Variants in ASTN2 observed in about 807,000 individuals in gnomAD.
ASTN2 encodes the protein astrotactin-2.
In ASTN2, 54 loss-of-function variants were observed where a neutral mutation model predicts 139.8. The observed-to-expected ratio is 0.39, with a 90% CI of 0.31 to 0.48. The LOEUF (loss-of-function observed/expected upper bound fraction) is 0.48, where lower values mean the gene tolerates loss of function less well. Among genes scored for constraint, ASTN2 ranks in the 20% least tolerant of loss-of-function variants. The pLI is 0.95. For synonymous variants in ASTN2, 756 were observed against 719.5 expected, an observed-to-expected ratio of 1.05 and a Z score of -0.81; for missense variants, 1,565 against 1,725.1, an observed-to-expected ratio of 0.91 and a Z score of 1.64.
At chr9:117,239,999 TG>T (rs1301054039) in intron 2 of ASTN2, among the ~76,000 whole-genome samples, 2 of 152,076 alleles carry the variant, frequency 1.3e-5, no homozygotes, top group Non-Finnish European at 2.9e-5. Flanking sequence ...ACCCATTTTA[TG>T]TCAAAAACAT....
intron 6 of ASTN2, among the ~76,000 whole-genome samples, chr9:117,034,066 T>G (rs938178875): frequency 1.3e-5 from 2 of 152,148 alleles, no homozygotes; most frequent in Non-Finnish European, 2.9e-5. Flanking sequence ...CTTGAATAAC[T>G]TCCAATGTAT....
At chr9:117,116,392 G>GTCAGAACATA (rs1052512620) in intron 4 of ASTN2, among the ~76,000 whole-genome samples, 9 of 152,070 alleles carry the variant, frequency 5.9e-5, no homozygotes, top group Non-Finnish European at 5.9e-5. Context: ...ATGTAGATTG[G>GTCAGAACATA]TCAGAACATA....
At chr9:116,772,024 G>A (rs187867849) in intron 13 of ASTN2, among the ~76,000 whole-genome samples, 8 of 152,306 alleles carry the variant, frequency 5.3e-5, no homozygotes, top group Admixed American at 4.6e-4. Context: ...TTGCCTGGCA[G>A]CCATGCCATT....
chr9:117,369,840 T>G (rs1339282862), intron 1 of ASTN2, among the ~76,000 whole-genome samples: 1 of 152,110 alleles, frequency 6.6e-6, no homozygotes, highest in Non-Finnish European at 1.5e-5. Flanking sequence ...AACAAGAGAA[T>G]TGATTTCCCT....
rs751789493 is a variant in ASTN2 at position 117,169,179 on chromosome 9, T to G, written c.1016-27701A>C. On this transcript the variant is annotated intron_variant, in intron 3 of 22. Coordinates refer to ENST00000313400, the MANE Select transcript of ASTN2 (RefSeq NM_001365068.1). ...AGAGCATAGCTAAATCTCTCTTGCC[T>G]GAGGGAAAATAAAAAGGAAGAAGAA... Among the ~76,000 whole-genome samples the G allele has an allele frequency of 1.4e-5, 2 of 147,984 alleles. 1 individual carries two copies.
intron 3 of ASTN2, among the ~76,000 whole-genome samples, chr9:117,160,271 C>T (rs940971451): frequency 2.6e-5 from 4 of 151,926 alleles, no homozygotes; most frequent in African/African-American, 9.7e-5. Context: ...ATCTAAGTTC[C>T]TAGGGGGCAG....
chr9:117,113,039 CA>C (rs1829287561), intron 4 of ASTN2, among the ~76,000 whole-genome samples: 1 of 152,136 alleles, frequency 6.6e-6, no homozygotes, highest in South Asian at 2.1e-4. Flanking sequence ...CAATGAGATA[CA>C]ACTGCACAAC....
chr9:116,451,789 T>G (rs1055813784), intron 20 of ASTN2, among the ~76,000 whole-genome samples: 1 of 151,552 alleles, frequency 6.6e-6, no homozygotes, highest in African/African-American at 2.4e-5. Flanking sequence ...CTTTGAGGAG[T>G]GAATAAGACA....
At chr9:117,107,196 G>C (rs1025315674) in intron 4 of ASTN2, among the ~76,000 whole-genome samples, 2 of 152,006 alleles carry the variant, frequency 1.3e-5, no homozygotes, top group African/African-American at 4.8e-5. Context: ...TCAATGTACT[G>C]CTTATTTAAC....
rs1835472907 is a variant in ASTN2, at chr9:116,948,787, T to TTTTTTTTTTTG, written c.1889+26420_1889+26421insCAAAAAAAAAA. Among the ~76,000 whole-genome samples the TTTTTTTTTTTG allele has an allele frequency of 2.8e-4, 9 of 31,810 alleles. 2 individuals carry two copies. Among genetic ancestry groups the TTTTTTTTTTTG allele is most frequent in the Non-Finnish European group, 6.6e-4 (7 of 10,580 alleles). The allele number at this position is 31,810 out of a possible 152,430, so 20.9% of individuals were successfully genotyped here. A position where few individuals can be genotyped will look rare whatever the true frequency, so the allele number is the denominator to read the frequency against. ...AGAGAGGAGAGAAATAATTTGGTGT[T>TTTTTTTTTTTG]TTTTTTTTTTTTTTTTTTTTTTTGA... On this transcript the variant is annotated intron_variant, in intron 10 of 22. Transcript: ENST00000313400.
chr9:117,142,425 T>C (rs1223803007), intron 3 of ASTN2, among the ~76,000 whole-genome samples: 1 of 152,144 alleles, frequency 6.6e-6, no homozygotes, highest in Non-Finnish European at 1.5e-5. Flanking sequence ...ACCACAGTAC[T>C]GTGGATATGT....
intron 10 of ASTN2, among the ~76,000 whole-genome samples, chr9:116,931,315 G>T (rs1472790004): frequency 6.6e-6 from 1 of 152,110 alleles, no homozygotes; most frequent in Non-Finnish European, 1.5e-5. Flanking sequence ...TTGTGGGTGG[G>T]GATGGGGAGG....
At chr9:116,724,463 G>A (rs1828560993) in intron 16 of ASTN2, among the ~76,000 whole-genome samples, 1 of 152,172 alleles carries the variant, frequency 6.6e-6, no homozygotes, top group South Asian at 2.1e-4. Flanking sequence ...CTAGAGATTG[G>A]GAAGCAGGTG....
At chr9:116,839,234 A>T (rs1257089597) in intron 11 of ASTN2, among the ~76,000 whole-genome samples, 4 of 151,722 alleles carry the variant, frequency 2.6e-5, no homozygotes, top group African/African-American at 9.7e-5. Flanking sequence ...TGCAGTCTTG[A>T]AATCCTGGGC....
intron 1 of ASTN2, among the ~76,000 whole-genome samples, chr9:117,331,499 G>A (rs565115346): frequency 6.6e-6 from 1 of 152,202 alleles, no homozygotes; most frequent in South Asian, 2.1e-4. Context: ...AATATAACAA[G>A]CCATACCCTC....
At chr9:116,460,292 T>C (rs899504762) in intron 20 of ASTN2, among the ~76,000 whole-genome samples, 9 of 152,122 alleles carry the variant, frequency 5.9e-5, no homozygotes, top group Non-Finnish European at 2.9e-5. Flanking sequence ...AGAGTTTCTT[T>C]TTCGGGTGAT....
chr9:117,044,331 C>T (rs570606160), intron 5 of ASTN2, among the ~76,000 whole-genome samples: 3 of 152,270 alleles, frequency 2.0e-5, no homozygotes, highest in Admixed American at 6.5e-5. Context: ...ATTTACTCGG[C>T]GAATGCCTGA....
At chr9:116,729,156 G>T in intron 14 of ASTN2, 60 bp from the exon 15 acceptor site, 1 of 1,289,238 alleles carries the variant, frequency 7.8e-7, no homozygotes, top group Non-Finnish European at 1.1e-6. Flanking sequence ...ACACCACATT[G>T]TTCACCCTGC....
intron 7 of ASTN2, among the ~76,000 whole-genome samples, chr9:117,006,025 G>A (rs1837344494): frequency 6.6e-6 from 1 of 152,208 alleles, no homozygotes; most frequent in African/African-American, 2.4e-5. Context: ...AACCACCAAG[G>A]GTGGCAGCCA....
Sources: allele counts gnomAD v4.1 joint callset (sites outside exome capture counted in the v4.1 genomes callset), GRCh38; gene constraint gnomAD v4.1.1; transcripts MANE v1.5; gene names NCBI Gene and HGNC (gene_info 2026-07-23, HGNC 2026-07-21).